Variants in NEDD9 observed in about 807,000 individuals in gnomAD.
The protein encoded by NEDD9 is neural precursor cell expressed, developmentally down-regulated 9.
Under a neutral mutation model 76.6 loss-of-function variants are expected in NEDD9, and 26 were observed. That is an observed-to-expected ratio of 0.34 (90% CI 0.25 to 0.47). The LOEUF (loss-of-function observed/expected upper bound fraction) is 0.47, where lower values mean the gene tolerates loss of function less well. NEDD9 is among the 20% of genes least tolerant of loss of function. The probability of loss-of-function intolerance (pLI) is 1.00; values close to 1 mark genes in which losing one functional copy is unlikely to be tolerated. For synonymous variants in NEDD9, 392 were observed against 414.2 expected (o/e 0.95, Z 0.65); for missense variants, 937 against 1,058.5 (o/e 0.89, Z 1.59).
intron 2 of NEDD9, among the ~76,000 whole-genome samples, chr6:11,324,216 T>A (rs1271885670): frequency 5.9e-5 from 9 of 152,208 alleles, no homozygotes; most frequent in Non-Finnish European, 4.4e-5. Context: ...AGTGTCTTAG[T>A]TAACCAGTAA....
At chr6:11,257,862 C>G (rs1254973826) in intron 3 of NEDD9, among the ~76,000 whole-genome samples, 1 of 149,576 alleles carries the variant, frequency 6.7e-6, no homozygotes, top group East Asian at 2.0e-4. Flanking sequence ...CTTTTTATTT[C>G]TTGTCTCTAG....
intron 2 of NEDD9, among the ~76,000 whole-genome samples, chr6:11,313,977 C>G (rs1761463851): frequency 6.6e-6 from 1 of 152,144 alleles, no homozygotes; most frequent in South Asian, 2.1e-4. Flanking sequence ...ACACACAGCA[C>G]AGATTTTTCT....
At chr6:11,319,122 A>G (rs141808721) in intron 2 of NEDD9, among the ~76,000 whole-genome samples, 461 of 152,366 alleles carry the variant, frequency 3.0e-3, no homozygotes, top group Non-Finnish European at 5.7e-3. Context: ...GCCATGTGGA[A>G]TATCTGCTCG....
intron 2 of NEDD9, among the ~76,000 whole-genome samples, chr6:11,205,050 T>C (rs999294851): frequency 1.1e-4 from 16 of 152,252 alleles, no homozygotes; most frequent in South Asian, 2.1e-4. Flanking sequence ...TGTCCAAATA[T>C]GCCTTCTTCT....
intron 2 of NEDD9, among the ~76,000 whole-genome samples, chr6:11,196,430 A>C (rs1316670484): frequency 2.6e-5 from 4 of 152,174 alleles, no homozygotes; most frequent in African/African-American, 4.8e-5. Context: ...TCAGAAAAGG[A>C]AGGCAGGTTC....
intron 2 of NEDD9, among the ~76,000 whole-genome samples, chr6:11,319,526 T>TCACA (rs572569425): frequency 1.7e-5 from 2 of 118,814 alleles, no homozygotes; most frequent in African/African-American, 3.2e-5. Context: ...ACATGCACAC[T>TCACA]CACACTAACA....
At chr6:11,310,887 A>T (rs1761344338) in intron 2 of NEDD9, among the ~76,000 whole-genome samples, 1 of 152,144 alleles carries the variant, frequency 6.6e-6, no homozygotes. Flanking sequence ...ACATCTGCAG[A>T]TTGACTTCAC....
intron 1 of NEDD9, among the ~76,000 whole-genome samples, chr6:11,362,500 T>G (rs1762695699): frequency 6.6e-6 from 1 of 152,250 alleles, no homozygotes; most frequent in African/African-American, 2.4e-5. Flanking sequence ...ATGAGCACTT[T>G]GATTCTTATA....
rs75337156 is a variant in NEDD9, at chr6:11,241,215, T to C, written c.13-27488A>G. On this transcript the variant is annotated intron_variant, in intron 3 of 3. Transcript: ENST00000397378. This position sits in a 1 kb window ranked among gnomAD's most constrained non-coding sequence, Gnocchi z 4.0. ...GCCCAAACACAATCATCTTGGTGCA[T>C]ACTACCTATTAAATGAAGGGGAGCA... Among the ~76,000 whole-genome samples, 8 of 152,328 alleles carry C rather than the reference T, an allele frequency of 5.3e-5. No homozygotes were observed. In the East Asian group the frequency reaches 7.7e-4, roughly 15 times the overall value.
In NEDD9 at chr6:11,190,381, G is replaced by A. The variant is rs377748448; in HGVS notation, c.1488C>T (p.His496=). ...KRELQRVEDS[H]QILSQTSHDL... is the part of the protein sequence containing the mutation. ...CATGGCTGGTTTGACTCAGGATCTG[G>A]TGGGAGTCTTCAACTCGTTGCAGCT... Residue 496 remains histidine (H), a synonymous_variant, in exon 5 of 7, where the codon CAC becomes CAT. Coordinates refer to ENST00000379446, the MANE Select transcript of NEDD9 (RefSeq NM_006403.4). The surrounding 1 kb of genome is among the most constrained non-coding windows in gnomAD (Gnocchi z 5.8). 1.9e-6 allele frequency: 3 copies of A among 1,614,090 alleles called. No individual in the cohort carries two copies. The African/African-American group carries it at 4.0e-5, about 22-fold the overall frequency.
chr6:11,318,538 G>A (rs774474517), intron 2 of NEDD9, among the ~76,000 whole-genome samples: 7 of 152,046 alleles, frequency 4.6e-5, no homozygotes, highest in African/African-American at 4.8e-5. Flanking sequence ...TTACCATTTC[G>A]TCTCATAGAA....
chr6:11,206,614 T>C (rs980715367), intron 2 of NEDD9, among the ~76,000 whole-genome samples: 8 of 152,228 alleles, frequency 5.3e-5, no homozygotes, highest in Non-Finnish European at 7.3e-5. Flanking sequence ...TTAACCTCTG[T>C]TTGCTTTGGT....
intron 3 of NEDD9, among the ~76,000 whole-genome samples, chr6:11,303,040 A>G (rs943266037): frequency 6.6e-6 from 1 of 152,248 alleles, no homozygotes; most frequent in Admixed American, 6.5e-5. Flanking sequence ...AGAAAGAAAT[A>G]AAGGGTATTC....
chr6:11,264,007 C>T (rs1760159803), intron 3 of NEDD9, among the ~76,000 whole-genome samples: 1 of 152,194 alleles, frequency 6.6e-6, no homozygotes, highest in Non-Finnish European at 1.5e-5. Flanking sequence ...CTCTATGTCT[C>T]AGTGTCCTCA....
chr6:11,338,528 C>T (rs1436019993), intron 1 of NEDD9, among the ~76,000 whole-genome samples: 4 of 152,158 alleles, frequency 2.6e-5, no homozygotes, highest in African/African-American at 7.2e-5. Context: ...GCACTTTATC[C>T]TAAATCTCCC....
intron 3 of NEDD9, among the ~76,000 whole-genome samples, chr6:11,300,836 C>T (rs1272167736): frequency 6.6e-6 from 1 of 152,136 alleles, no homozygotes; most frequent in Non-Finnish European, 1.5e-5. Flanking sequence ...CACTACCAGG[C>T]CTGCCTTATA....
chr6:11,189,987 C>A lies in NEDD9; in HGVS notation c.1882G>T (p.Asp628Tyr). 1 of 1,519,596 alleles carries A rather than the reference C, an allele frequency of 6.6e-7. No homozygotes were observed. Among genetic ancestry groups the A allele is most frequent in the Non-Finnish European group, 8.8e-7 (1 of 1,135,244 alleles). 94.1% of individuals were successfully genotyped at this position (1,519,596 alleles called of 1,614,324 possible). Residue 628 changes from aspartate (D) to tyrosine (Y), a missense_variant, in exon 5 of 7, where the codon GAC (aspartate) becomes TAC (tyrosine). By Grantham distance (160) the Asp-to-Tyr change is radical. Coordinates refer to ENST00000379446, the MANE Select transcript of NEDD9 (RefSeq NM_006403.4). ...SDGSERSWMD[D>Y]YDYVHLQGKE... is the part of the protein sequence containing the mutation. The stretch of plus-strand genomic sequence containing the variant: ...ACCTGTAGGTGGACGTAATCGTAGT[C>A]ATCCATCCAGCTCCTCTCAGAACCA...
At chr6:11,231,451 GA>G (rs1162545094) in intron 1 of NEDD9, among the ~76,000 whole-genome samples, 5 of 152,160 alleles carry the variant, frequency 3.3e-5, no homozygotes, top group Admixed American at 6.5e-5. Context: ...GGATGGACCA[GA>G]AAAATTTAGA....
At chr6:11,244,267 A>G (rs922389999) in intron 3 of NEDD9, among the ~76,000 whole-genome samples, 6 of 151,152 alleles carry the variant, frequency 4.0e-5, no homozygotes, top group South Asian at 4.1e-4. Flanking sequence ...CTTTACACAC[A>G]CACACACACG....
Sources: allele counts gnomAD v4.1 joint callset (sites outside exome capture counted in the v4.1 genomes callset), GRCh38; gene constraint gnomAD v4.1.1; non-coding constraint Gnocchi (gnomAD v3.1); transcripts MANE v1.5; gene names NCBI Gene and HGNC (gene_info 2026-07-23, HGNC 2026-07-21).